The following SNRPN variants were observed in gnomAD, a reference collection of about 807,000 sequenced individuals.
SNRPN encodes small nuclear ribonucleoprotein-associated protein N.
SNRPN carries 7 observed loss-of-function variants against 25.2 expected under a neutral mutation model. The observed-to-expected ratio is 0.28, with a 90% confidence interval of 0.16 to 0.52. The LOEUF is 0.52. Among genes scored for constraint, SNRPN ranks in the 20% least tolerant of loss-of-function variants. The probability of loss-of-function intolerance (pLI) is 0.96; values close to 1 mark genes in which losing one functional copy is unlikely to be tolerated. For missense variants in SNRPN, 196 were observed against 322.5 expected, an observed-to-expected ratio of 0.61 and a Z score of 3.00; for synonymous variants, 124 against 110.6, an observed-to-expected ratio of 1.12 and a Z score of -0.76.
chr15:24,959,115 T>C (rs1467801799), intron 1 of SNRPN, among the ~76,000 whole-genome samples: 2 of 152,232 alleles, frequency 1.3e-5, no homozygotes, highest in Non-Finnish European at 2.9e-5. Context: ...CTTTTCAATA[T>C]ATTTCCGGAT....
intron 1 of SNRPN, among the ~76,000 whole-genome samples, chr15:24,958,561 G>A (rs368904434): frequency 2.4e-5 from 3 of 127,582 alleles, no homozygotes; most frequent in Admixed American, 1.0e-4. Context: ...GGCTGAACTC[G>A]AACTGCTAGA....
At chr15:24,864,025 T>C (rs976112661) in intron 1 of SNRPN, among the ~76,000 whole-genome samples, 1 of 148,122 alleles carries the variant, frequency 6.8e-6, no homozygotes. Flanking sequence ...ATTTTTATTT[T>C]ATTATTATTT....
At chr15:24,878,731 C>T (rs1403250887) in intron 1 of SNRPN, among the ~76,000 whole-genome samples, 2 of 152,090 alleles carry the variant, frequency 1.3e-5, no homozygotes, top group Non-Finnish European at 2.9e-5. Context: ...CCTTCCCTCT[C>T]AATATTAACA....
At position 24,889,954 on chromosome 15, in the gene SNRPN, G is replaced by A. The variant is rs141877122; in HGVS notation, c.-505+3365G>A. ...AGTCCCAGCTACTCAGGAGACTGAG[G>A]CAGGAGAATGGCTTGAACCCGAGAG... On this transcript the variant is annotated intron_variant, in intron 2 of 11. Coordinates refer to the SNRPN transcript ENST00000400097. Among the ~76,000 whole-genome samples the A allele has an allele frequency of 2.1e-3, 312 of 150,810 alleles. 3 individuals are homozygous for A. The highest frequency in any genetic ancestry group is 7.1e-3 in the African/African-American group (291 of 41,028).
intron 2 of SNRPN, among the ~76,000 whole-genome samples, chr15:24,901,048 A>T (rs1207214848): frequency 1.3e-5 from 2 of 152,156 alleles, no homozygotes; most frequent in Non-Finnish European, 2.9e-5. Context: ...GTGAGCTGTG[A>T]TCATGCAACT....
intron 3 of SNRPN, chr15:24,921,093 A>G (rs1490769787): frequency 6.6e-6 from 1 of 152,166 alleles, no homozygotes; most frequent in Non-Finnish European, 1.5e-5. Flanking sequence ...AGTGGCATAT[A>G]TCCAAGGACA....
chr15:24,957,814 T>A, intron 1 of SNRPN, among the ~76,000 whole-genome samples: 1 of 152,184 alleles, frequency 6.6e-6, no homozygotes, highest in Non-Finnish European at 1.5e-5. Flanking sequence ...TTTGGCTATT[T>A]GCAAGCTGAG....
chr15:24,837,535 A>AT (rs1485070112), intron 2 of SNRPN, among the ~76,000 whole-genome samples: 6 of 150,616 alleles, frequency 4.0e-5, no homozygotes, highest in Non-Finnish European at 5.9e-5. Flanking sequence ...TGCCTGGCTA[A>AT]TTTTTTTGTA....
At position 24,935,048 on chromosome 15, in the gene SNRPN, G is replaced by A. The variant is rs188751209; in HGVS notation, c.-391+14924G>A. On this transcript the variant is annotated intron_variant, in intron 3 of 11. Transcript: ENST00000400097. ...GCACTTTGGGAGGCCGTTGCAGGCC[G>A]GTTGCCTGACCTCAGGAGTTCGAGA... 2.9e-3 allele frequency among the ~76,000 whole-genome samples: 444 copies of A among 152,220 alleles called. 2 individuals carry two copies. The highest frequency in any genetic ancestry group is 0.01 in the African/African-American group (430 of 41,550).
intron 2 of SNRPN, among the ~76,000 whole-genome samples, chr15:24,904,092 A>G (rs1026344776): frequency 6.6e-6 from 1 of 151,728 alleles, no homozygotes; most frequent in Non-Finnish European, 1.5e-5. Flanking sequence ...GTAAAAACAT[A>G]GAAACGACTA....
At chr15:24,934,820 G>C (rs1331462957) in intron 3 of SNRPN, among the ~76,000 whole-genome samples, 4 of 152,180 alleles carry the variant, frequency 2.6e-5, no homozygotes, top group African/African-American at 9.7e-5. Context: ...GCCTCCCAAA[G>C]TGCTGGGATT....
intron 1 of SNRPN, among the ~76,000 whole-genome samples, chr15:24,827,025 TACAC>T (rs536825588): frequency 1.3e-5 from 2 of 152,012 alleles, no homozygotes; most frequent in Non-Finnish European, 2.9e-5. Context: ...TATATACACA[TACAC>T]ACACATACAT....
intron 2 of SNRPN, among the ~76,000 whole-genome samples, chr15:24,898,683 T>G (rs978885943): frequency 2.0e-5 from 3 of 152,308 alleles, no homozygotes; most frequent in African/African-American, 7.2e-5. Flanking sequence ...AAAAATGTGT[T>G]ATTACAAACT....
intron 2 of SNRPN, among the ~76,000 whole-genome samples, chr15:24,903,572 C>G (rs1227886793): frequency 6.6e-6 from 1 of 152,196 alleles, no homozygotes; most frequent in East Asian, 1.9e-4. Context: ...AGGTTCCATT[C>G]ATGCTTTCCA....
At chr15:24,879,426 G>A (rs1238910595) in intron 1 of SNRPN, among the ~76,000 whole-genome samples, 1 of 136,990 alleles carries the variant, frequency 7.3e-6, no homozygotes, top group African/African-American at 2.9e-5. Context: ...GACAGAGTGC[G>A]ATTCTGTCTC....
Position 24,910,982 on chromosome 15 carries a change from G to A in SNRPN, c.-504-9029G>A, listed in dbSNP as rs568101758. The A allele has an allele frequency of 1.5e-4, 170 of 1,112,956 alleles. No individual in the cohort carries two copies. In the African/African-American group the frequency reaches 2.3e-3, roughly 15 times the overall value. 68.9% of individuals were successfully genotyped at this position (1,112,956 alleles called of 1,614,324 possible). ...CACCCAAAACCACTGTTGGCACATG[G>A]CTAAAGACCGTGGTGATTTTATAGC... is the stretch of plus-strand genomic sequence containing the variant. On this transcript the variant is annotated intron_variant, in intron 2 of 11. Coordinates refer to the SNRPN transcript ENST00000400097.
chr15:24,911,232 A>G (rs1214305753), intron 2 of SNRPN: 1 of 447,154 alleles, frequency 2.2e-6, no homozygotes, highest in African/African-American at 2.0e-5. Context: ...CTTGTAAAGA[A>G]TTTTTTAAAT....
intron 1 of SNRPN, among the ~76,000 whole-genome samples, chr15:24,826,471 A>T (rs61994671): frequency 0.14 from 21,765 of 152,048 alleles, 1,818 homozygotes; most frequent in Non-Finnish European, 0.19. Flanking sequence ...ATTCCACGTA[A>T]TTTACCCATT....
At chr15:24,897,739 T>C (rs146735250) in intron 2 of SNRPN, among the ~76,000 whole-genome samples, 60 of 152,308 alleles carry the variant, frequency 3.9e-4, no homozygotes, top group African/African-American at 1.3e-3. Context: ...GATGCTTTTA[T>C]AAATGGGAGT....
Sources: allele counts gnomAD v4.1 joint callset (sites outside exome capture counted in the v4.1 genomes callset), GRCh38; gene constraint gnomAD v4.1.1; transcripts MANE v1.5; gene names NCBI Gene and HGNC (gene_info 2026-07-23, HGNC 2026-07-21).